The following PLCG2 variants were observed in gnomAD, a reference collection of about 807,000 sequenced individuals.
The protein encoded by PLCG2 is 1-phosphatidylinositol 4,5-bisphosphate phosphodiesterase gamma-2.
PLCG2 carries 69 observed loss-of-function variants against 175.6 expected under a neutral mutation model. That is an observed-to-expected ratio of 0.39 (90% CI 0.32 to 0.48). The LOEUF (loss-of-function observed/expected upper bound fraction) is 0.48. PLCG2 is among the 20% of genes least tolerant of loss of function. PLCG2 has a pLI of 0.91. For missense variants in PLCG2, 1,798 were observed against 1,650.9 expected (o/e 1.09, Z -1.54); for synonymous variants, 827 against 624.0 (o/e 1.33, Z -4.85).
intron 2 of PLCG2, among the ~76,000 whole-genome samples, chr16:81,812,592 C>G (rs1024916352): frequency 1.3e-5 from 2 of 152,128 alleles, no homozygotes; most frequent in African/African-American, 4.8e-5. Context: ...AGCCATTTGT[C>G]AGATGGATAG....
chr16:81,890,675 G>T (rs1321327353), intron 10 of PLCG2, among the ~76,000 whole-genome samples: 1 of 152,160 alleles, frequency 6.6e-6, no homozygotes, highest in South Asian at 2.1e-4. Flanking sequence ...GTGGAACTGG[G>T]GAGCGACTGA....
intron 1 of PLCG2, among the ~76,000 whole-genome samples, chr16:81,751,904 C>G (rs574190203): frequency 9.7e-4 from 148 of 152,100 alleles, no homozygotes; most frequent in African/African-American, 3.3e-3. Flanking sequence ...CGTCTGTAAT[C>G]TTAGCTACTC....
At chr16:81,861,823 A>G (rs55809736) in intron 5 of PLCG2, among the ~76,000 whole-genome samples, 3,699 of 152,222 alleles carry the variant, frequency 0.024, 158 homozygotes, top group African/African-American at 0.085. Context: ...TGAGGTCAAG[A>G]AATGGATACC....
At chr16:81,934,386 G>A (rs907104814) in intron 25 of PLCG2, 43 bp from the exon 26 acceptor site, 3 of 1,243,802 alleles carry the variant, frequency 2.4e-6, no homozygotes, top group Non-Finnish European at 3.5e-6. Flanking sequence ...GGGAAGATGG[G>A]ATTTCTCGGG....
intron 3 of PLCG2, among the ~76,000 whole-genome samples, chr16:81,855,432 A>G (rs567238171): frequency 4.6e-5 from 7 of 152,364 alleles, no homozygotes; most frequent in African/African-American, 1.7e-4. Context: ...CGATTAAAAT[A>G]GACCAAAGTG....
At chr16:81,944,874 G>C (rs1054371686) in intron 30 of PLCG2, among the ~76,000 whole-genome samples, 8 of 152,154 alleles carry the variant, frequency 5.3e-5, no homozygotes, top group African/African-American at 1.7e-4. Context: ...GCCAACTGTA[G>C]AGTAAAAGTT....
intron 27 of PLCG2, among the ~76,000 whole-genome samples, chr16:81,937,086 T>G (rs1910747183): frequency 6.6e-6 from 1 of 152,210 alleles, no homozygotes; most frequent in Admixed American, 6.5e-5. Flanking sequence ...AGCGCTTGCA[T>G]TTTGATCAAC....
In PLCG2 at chr16:81,936,238, C is replaced by A; in HGVS notation, c.2912C>A (p.Pro971His). Residue 971 changes from proline to histidine, a missense_variant, in exon 27 of 33, where the codon CCC becomes CAC. Transcript: ENST00000564138. ...TKADSIIRQK[P>H]VDLLKYNQKG... ...GCTGACAGCATCATCAGACAGAAGC[C>A]CGTCGACCTCCTGAAGTACAATCAA... is the stretch of plus-strand genomic sequence containing the variant. The A allele has an allele frequency of 6.2e-7, 1 of 1,614,122 alleles. No individual in the cohort carries two copies. The highest frequency in any genetic ancestry group is 8.5e-7 in the Non-Finnish European group (1 of 1,180,028).
At position 81,961,724 on chromosome 16, in the gene PLCG2, A is replaced by G; in HGVS notation, c.*3726A>G. 1 of 206,852 alleles carries G rather than the reference A, an allele frequency of 4.8e-6. No individual in the cohort carries two copies. Among genetic ancestry groups the G allele is most frequent in the Non-Finnish European group, 9.9e-6 (1 of 101,478 alleles). The allele number at this position is 206,852 out of a possible 1,614,324, so 12.8% of individuals were successfully genotyped here. A position where few individuals can be genotyped will look rare whatever the true frequency, so the allele number is the denominator to read the frequency against. On this transcript the variant is annotated 3_prime_UTR_variant, in exon 33 of 33. Coordinates refer to ENST00000564138, the MANE Select transcript of PLCG2 (RefSeq NM_002661.5). ...AAAAGATCATAGTATCTATCAAATA[A>G]CTTATATTAAGAACCTCCTGGGCTA...
chr16:81,750,948 C>T (rs1437058010), intron 1 of PLCG2, among the ~76,000 whole-genome samples: 1 of 142,490 alleles, frequency 7.0e-6, no homozygotes, highest in African/African-American at 2.6e-5. Flanking sequence ...GCTGGGATTA[C>T]AGGCGTGAGC....
chr16:81,892,884 G>T (rs1017654171), intron 11 of PLCG2, among the ~76,000 whole-genome samples: 3 of 141,760 alleles, frequency 2.1e-5, no homozygotes, highest in South Asian at 2.2e-4. Context: ...GTCTCACTCT[G>T]TTGCCCAGGC....
Position 81,895,912 on chromosome 16 carries a change from C to A in PLCG2, c.1178C>A (p.Ala393Asp). The A allele has an allele frequency of 1.2e-6, 2 of 1,614,026 alleles. No individual in the cohort carries two copies. The highest frequency in any genetic ancestry group is 1.7e-6 in the Non-Finnish European group (2 of 1,180,002). Residue 393 changes from alanine to aspartate, a missense_variant, in exon 13 of 33, where the codon GCC (alanine) becomes GAC (aspartate). Transcript: ENST00000564138. Reference protein sequence around the residue: ...DDVVQAIKDHAFVTSSFPVIL... With the variant: ...DDVVQAIKDHDFVTSSFPVIL... ...GTCGTGCAGGCCATCAAAGACCACG[C>A]CTTTGTTACCTCGAGGTCAGTTGGC...
In PLCG2 at chr16:81,938,763, C is replaced by G. The variant is rs557277094; in HGVS notation, c.3199-38C>G. On this transcript the variant is annotated intron_variant, in intron 28 of 32. Coordinates refer to ENST00000564138, the MANE Select transcript of PLCG2 (RefSeq NM_002661.5). ...TCCACGCTAGGCTGCCTGTTCAGGA[C>G]CCCAGGGGGGTTCCAATGCTTCCCT... The G allele has an allele frequency of 5.6e-4, 736 of 1,323,490 alleles. 10 individuals are homozygous for G. The South Asian group carries it at 8.4e-3, about 15-fold the overall frequency. 82.0% of individuals were successfully genotyped at this position (1,323,490 alleles called of 1,614,324 possible).
chr16:81,826,540 C>G (rs1905056928), intron 2 of PLCG2, among the ~76,000 whole-genome samples: 1 of 152,236 alleles, frequency 6.6e-6, no homozygotes, highest in Admixed American at 6.5e-5. Context: ...TTCAATGTAA[C>G]AAGCACTTAG....
At chr16:81,937,966 G>C in intron 28 of PLCG2, 63 bp downstream of exon 28, 1 of 1,530,796 alleles carries the variant, frequency 6.5e-7, no homozygotes. Flanking sequence ...CTGGGCCGAT[G>C]CTGTCTTGAG....
At chr16:81,848,318 G>A (rs964117615) in intron 2 of PLCG2, among the ~76,000 whole-genome samples, 4 of 152,210 alleles carry the variant, frequency 2.6e-5, no homozygotes, top group Admixed American at 2.6e-4. Flanking sequence ...TAAAGTCCTG[G>A]TTGATGAAGG....
intron 3 of PLCG2, among the ~76,000 whole-genome samples, chr16:81,856,875 C>CATT (rs1255678144): frequency 6.6e-6 from 1 of 152,122 alleles, no homozygotes; most frequent in Non-Finnish European, 1.5e-5. Context: ...CCGGGAAGGT[C>CATT]ATTCCCAGAG....
At chr16:81,771,053 A>C (rs1306139521) in intron 2 of PLCG2, among the ~76,000 whole-genome samples, 1 of 41,182 alleles carries the variant, frequency 2.4e-5, no homozygotes, top group Non-Finnish European at 6.4e-5. Context: ...GCGAGACTCC[A>C]TCTCAAAAAA....
rs1157731599 is a variant in PLCG2 at position 81,802,093 on chromosome 16, C to CTTTTTTTTTTTTTTTTTTTTTT, written c.193+15928_193+15949dup. Among the ~76,000 whole-genome samples the CTTTTTTTTTTTTTTTTTTTTTT allele has an allele frequency of 4.2e-4, 17 of 40,016 alleles. 7 individuals are homozygous for CTTTTTTTTTTTTTTTTTTTTTT. In the East Asian group the frequency reaches 7.9e-3, roughly 19 times the overall value. 26.3% of individuals were successfully genotyped at this position (40,016 alleles called of 152,430 possible). On this transcript the variant is annotated intron_variant, in intron 2 of 32. Coordinates refer to ENST00000564138, the MANE Select transcript of PLCG2 (RefSeq NM_002661.5). ...GTTAGCTCCTTCAGGTGAGTACAGT[C>CTTTTTTTTTTTTTTTTTTTTTT]TTTTTTTTTTTTTTTTTTTTTTTTT... is the stretch of plus-strand genomic sequence containing the variant.
Sources: allele counts gnomAD v4.1 joint callset (sites outside exome capture counted in the v4.1 genomes callset), GRCh38; gene constraint gnomAD v4.1.1; transcripts MANE v1.5; gene names NCBI Gene and HGNC (gene_info 2026-07-23, HGNC 2026-07-21).